PLVAP: variants seen among roughly 807,000 people sequenced by gnomAD.
The protein encoded by PLVAP is plasmalemma vesicle-associated protein.
In PLVAP, 34 loss-of-function variants were observed where a neutral mutation model predicts 43.1. The observed-to-expected ratio is 0.79, with a 90% confidence interval of 0.60 to 1.05. The LOEUF (loss-of-function observed/expected upper bound fraction) is 1.05. PLVAP is among the 50% of genes least tolerant of loss of function. The probability of loss-of-function intolerance (pLI) is 0.00; values close to 1 mark genes in which losing one functional copy is unlikely to be tolerated. For synonymous variants in PLVAP, 241 were observed against 237.3 expected (o/e 1.02, Z -0.14); for missense variants, 574 against 593.4 (o/e 0.97, Z 0.34).
chr19:17,355,116 C>T (rs911004240), intron 5 of PLVAP, among the ~76,000 whole-genome samples: 1 of 148,912 alleles, frequency 6.7e-6, no homozygotes, highest in Non-Finnish European at 1.5e-5. Flanking sequence ...CCCAGCTACT[C>T]GGGAGGCTGA....
rs963736390 is a variant in PLVAP, at chr19:17,368,235, C to T, written c.370-2040G>A. On this transcript the variant is annotated intron_variant, in intron 1 of 5. Transcript: ENST00000252590. The stretch of plus-strand genomic sequence containing the variant: ...TACAGGCACGCACCACCATGCTTGG[C>T]TAATATTGTATTTTTTAGTAGAGAC... Among the ~76,000 whole-genome samples, 40 of 151,950 alleles carry T rather than the reference C, an allele frequency of 2.6e-4. 1 individual carries two copies. Among genetic ancestry groups the T allele is most frequent in the Admixed American group, 7.2e-4 (11 of 15,204 alleles).
rs1272494296 is a variant in PLVAP, at chr19:17,365,870, C to T, written c.595G>A (p.Glu199Lys). Residue 199 changes from glutamate (E) to lysine (K), a missense_variant, in exon 3 of 6, where the codon GAA becomes AAA. Glu to Lys is a moderately conservative substitution (Grantham distance 56). Coordinates refer to ENST00000252590, the MANE Select transcript of PLVAP (RefSeq NM_031310.3). ...TGCAGCTCCCGGGTTTTCACGCATTCAACCAGCTGTTCCTCCGCCACGCGT... is the reference window on the plus strand; with the variant it reads ...TGCAGCTCCCGGGTTTTCACGCATTTAACCAGCTGTTCCTCCGCCACGCGT... ...NKRVAEEQLV[E>K]CVKTRELQHQ... The T allele has an allele frequency of 5.0e-6, 8 of 1,613,970 alleles. No individual in the cohort carries two copies. Among genetic ancestry groups the T allele is most frequent in the African/African-American group, 2.7e-5 (2 of 74,926 alleles).
intron 1 of PLVAP, among the ~76,000 whole-genome samples, chr19:17,372,971 C>T (rs1365465618): frequency 7.2e-6 from 1 of 139,408 alleles, no homozygotes; most frequent in African/African-American, 2.6e-5. Context: ...GAGGCTAAGG[C>T]AGGGGAATTG....
At chr19:17,364,921 C>T (rs897660584) in intron 3 of PLVAP, among the ~76,000 whole-genome samples, 4 of 151,770 alleles carry the variant, frequency 2.6e-5, no homozygotes, top group African/African-American at 4.8e-5. Flanking sequence ...TACAGGTGCC[C>T]GCCACCACGC....
intron 1 of PLVAP, among the ~76,000 whole-genome samples, chr19:17,371,946 G>C (rs2074573722): frequency 6.6e-6 from 1 of 151,986 alleles, no homozygotes; most frequent in African/African-American, 2.4e-5. Flanking sequence ...AGTTGGCCCT[G>C]GGTGAATGTC....
intron 1 of PLVAP, among the ~76,000 whole-genome samples, chr19:17,372,520 A>G (rs562421863): frequency 2.1e-4 from 32 of 149,730 alleles, no homozygotes; most frequent in East Asian, 4.2e-4. Flanking sequence ...GCAGTGGCGC[A>G]ATCTCGGCTC....
In PLVAP at chr19:17,377,260, G is replaced by T. The variant is rs761339710; in HGVS notation, c.29C>A (p.Ser10Tyr). 1 of 1,613,364 alleles carries T rather than the reference G, an allele frequency of 6.2e-7. No individual in the cohort carries two copies. Among genetic ancestry groups the T allele is most frequent in the Middle Eastern group, 1.7e-4 (1 of 6,054 alleles). ...AGAGCTGCCCCCCGCCCGAGCGTAG[G>T]ACCCTCCGTGCTCCATGGCCAGACC... MGLAMEHGG[S>Y]YARAGGSSRG... The change falls in exon 1 of 6, where the codon TCC (serine) becomes TAC (tyrosine). Residue 10 changes from serine to tyrosine, a missense_variant. Transcript: ENST00000252590.
intron 5 of PLVAP, among the ~76,000 whole-genome samples, chr19:17,355,948 A>G (rs889122554): frequency 6.6e-6 from 1 of 152,134 alleles, no homozygotes; most frequent in Non-Finnish European, 1.5e-5. Flanking sequence ...GATCTGCAGG[A>G]AGGGACACTC....
chr19:17,370,842 G>A (rs1457100098), intron 1 of PLVAP, among the ~76,000 whole-genome samples: 2 of 152,022 alleles, frequency 1.3e-5, no homozygotes, highest in African/African-American at 4.8e-5. Context: ...GGATCACGAG[G>A]TCAGGAGATC....
chr19:17,360,499 G>C (rs746113871), intron 5 of PLVAP, 29 bp downstream of exon 5: 1 of 1,603,636 alleles, frequency 6.2e-7, no homozygotes, highest in South Asian at 1.1e-5. Flanking sequence ...TTCTAAGACT[G>C]AACAACTGCA....
At chr19:17,370,320 T>A (rs1454931986) in intron 1 of PLVAP, among the ~76,000 whole-genome samples, 1 of 152,056 alleles carries the variant, frequency 6.6e-6, no homozygotes, top group Non-Finnish European at 1.5e-5. Flanking sequence ...TGGAAACACA[T>A]CCTCACATCA....
intron 5 of PLVAP, among the ~76,000 whole-genome samples, chr19:17,359,243 C>T (rs2074518224): frequency 1.3e-5 from 2 of 150,782 alleles, no homozygotes; most frequent in South Asian, 4.2e-4. Context: ...GCTGGGATTA[C>T]AGGTGCCCAC....
rs10617408 is a variant in PLVAP, at chr19:17,359,693, CTTTT to C, written c.1322+831_1322+834del. Reference sequence around the variant, plus strand: ...AGGCGTAAGCCACCGTACCCGGCCTCTTTTTTTTTTTTTTTTTCTGACACAGTCT... The same window carrying C: ...AGGCGTAAGCCACCGTACCCGGCCTCTTTTTTTTTTTTTCTGACACAGTCT... On this transcript the variant is annotated intron_variant, in intron 5 of 5. Transcript: ENST00000252590. Among the ~76,000 whole-genome samples, 12 of 116,154 alleles carry C rather than the reference CTTTT, an allele frequency of 1.0e-4. 1 individual carries two copies. Among genetic ancestry groups the C allele is most frequent in the African/African-American group, 3.5e-4 (11 of 31,574 alleles). 76.2% of individuals were successfully genotyped at this position (116,154 alleles called of 152,430 possible). A position where few individuals can be genotyped will look rare whatever the true frequency, so the allele number is the denominator to read the frequency against.
chr19:17,359,779 G>T (rs568784681), intron 5 of PLVAP, among the ~76,000 whole-genome samples: 169 of 138,064 alleles, frequency 1.2e-3, no homozygotes, highest in African/African-American at 4.3e-3. Context: ...TGCAACCTCC[G>T]CCTCCCAGGT....
chr19:17,358,524 C>T (rs946738473), intron 5 of PLVAP, among the ~76,000 whole-genome samples: 1 of 152,186 alleles, frequency 6.6e-6, no homozygotes, highest in African/African-American at 2.4e-5. Context: ...ATGCCAGGCC[C>T]TGACTCCTCC....
In PLVAP at chr19:17,368,448, G is replaced by A. The variant is rs190161898; in HGVS notation, c.370-2253C>T. Among the ~76,000 whole-genome samples the A allele has an allele frequency of 8.9e-4, 135 of 152,098 alleles. 1 individual carries two copies. The highest frequency in any genetic ancestry group is 2.8e-3 in the African/African-American group (118 of 41,516). On this transcript the variant is annotated intron_variant, in intron 1 of 5. Coordinates refer to ENST00000252590, the MANE Select transcript of PLVAP (RefSeq NM_031310.3). The stretch of plus-strand genomic sequence containing the variant: ...GCTGGTTTCAAACTCCTGACCTCAG[G>A]TGATTCGCCCCCCTCGGCCTCCCAA...
intron 3 of PLVAP, among the ~76,000 whole-genome samples, chr19:17,361,927 A>T (rs1398111496): frequency 6.6e-6 from 1 of 150,526 alleles, no homozygotes; most frequent in Non-Finnish European, 1.5e-5. Context: ...AAAAAATAAA[A>T]AAAAAAAAAT....
intron 5 of PLVAP, among the ~76,000 whole-genome samples, chr19:17,353,500 G>A (rs116590560): frequency 0.015 from 2,282 of 151,890 alleles, 52 homozygotes; most frequent in East Asian, 0.067. Context: ...TCCTCCTCCC[G>A]TTCCCCTCCA....
At chr19:17,367,056 C>T (rs1443965461) in intron 1 of PLVAP, among the ~76,000 whole-genome samples, 2 of 150,844 alleles carry the variant, frequency 1.3e-5, no homozygotes, top group Non-Finnish European at 2.9e-5. Context: ...AATCCTCTTG[C>T]ATCAGTCTCC....
Sources: gnomAD v4.1 joint callset for allele counts (sites outside exome capture counted in the v4.1 genomes callset) on GRCh38, gnomAD v4.1.1 for gene constraint, MANE v1.5 for transcripts, NCBI Gene and HGNC (gene_info 2026-07-23, HGNC 2026-07-21) for gene names.